The following NCKAP1 variants were observed in gnomAD, a reference collection of about 807,000 sequenced individuals.
NCKAP1 encodes nck-associated protein 1.
Under a neutral mutation model 151.2 loss-of-function variants are expected in NCKAP1, and 21 were observed. That is an observed-to-expected ratio of 0.14 (90% CI 0.10 to 0.20). The LOEUF (loss-of-function observed/expected upper bound fraction) is 0.20, where lower values mean the gene tolerates loss of function less well. NCKAP1 is among the 10% of genes least tolerant of loss of function. NCKAP1 has a pLI of 1.00. For synonymous variants in NCKAP1, 484 were observed against 451.8 expected (o/e 1.07, Z -0.90); for missense variants, 933 against 1,352.1 (o/e 0.69, Z 4.86).
chr2:182,925,467 G>T lies in NCKAP1; in HGVS notation c.*235C>A. The T allele has an allele frequency of 3.8e-6, 1 of 263,784 alleles. No homozygotes were observed. The highest frequency in any genetic ancestry group is 7.3e-6 in the Non-Finnish European group (1 of 136,726). The allele number at this position is 263,784 out of a possible 1,614,324, so 16.3% of individuals were successfully genotyped here. ...GATAATGTATGTTTTTCAAATAAAT[G>T]ATACTTTAAAATTATAGGAATAATC... On this transcript the variant is annotated 3_prime_UTR_variant, in exon 31 of 31. Coordinates refer to ENST00000361354, the MANE Select transcript of NCKAP1 (RefSeq NM_013436.5).
At position 182,917,929 on chromosome 2, in the gene NCKAP1, G is replaced by A. The variant is rs1696492508; in HGVS notation, c.*7773C>T. 1 of 152,166 alleles carries A rather than the reference G, an allele frequency of 6.6e-6. No homozygotes were observed. Among genetic ancestry groups the A allele is most frequent in the African/African-American group, 2.4e-5 (1 of 41,432 alleles). The allele number at this position is 152,166 out of a possible 1,614,324, so 9.4% of individuals were successfully genotyped here. A position where few individuals can be genotyped will look rare whatever the true frequency, so the allele number is the denominator to read the frequency against. ...CAAAGAAGCAACTTAGACCCATGAA[G>A]GCCAGAAAGTGGGCATAGTGTCCCC... On this transcript the variant is annotated 3_prime_UTR_variant, in exon 31 of 31. Transcript: ENST00000361354.
Position 182,972,247 on chromosome 2 carries a change from A to C in NCKAP1, c.1482+4646T>G, listed in dbSNP as rs563066100. On this transcript the variant is annotated intron_variant, in intron 15 of 30. Transcript: ENST00000361354. The stretch of plus-strand genomic sequence containing the variant: ...AGCAAAAAAAAAAAAAAAAAAAAAC[A>C]AAACTGATTTTAAAAATGGGCAAAA... Among the ~76,000 whole-genome samples the C allele has an allele frequency of 5.0e-3, 471 of 94,650 alleles. 2 individuals carry two copies. The highest frequency in any genetic ancestry group is 9.0e-3 in the Non-Finnish European group (360 of 39,790). The allele number at this position is 94,650 out of a possible 152,430, so 62.1% of individuals were successfully genotyped here.
At chr2:183,010,161 A>G (rs1698565280) in intron 2 of NCKAP1, among the ~76,000 whole-genome samples, 1 of 152,212 alleles carries the variant, frequency 6.6e-6, no homozygotes, top group South Asian at 2.1e-4. Context: ...GCCTCCATTA[A>G]GCACTGTTGT....
intron 26 of NCKAP1, 56 bp downstream of exon 26, chr2:182,934,695 TA>T (rs1410455383): frequency 4.6e-6 from 4 of 863,794 alleles, no homozygotes; most frequent in Non-Finnish European, 7.4e-6. Flanking sequence ...CTTGCATATG[TA>T]ATTTAAATAT....
chr2:183,030,256 C>T (rs1409128287), intron 1 of NCKAP1, among the ~76,000 whole-genome samples: 1 of 152,172 alleles, frequency 6.6e-6, no homozygotes, highest in African/African-American at 2.4e-5. Context: ...AACTCCTGGT[C>T]TCAAGAGATC....
Position 182,964,668 on chromosome 2 carries a change from A to G in NCKAP1, c.1761+8T>C, listed in dbSNP as rs1697527792. The G allele has an allele frequency of 3.1e-6, 5 of 1,588,886 alleles. No homozygotes were observed. The highest frequency in any genetic ancestry group is 1.4e-5 in the African/African-American group (1 of 73,828). ...ACCATATAACTCACAGTAGTACACTATAATTACCTCTTCTGGACATAGTTC... is the reference window on the plus strand; with the variant it reads ...ACCATATAACTCACAGTAGTACACTGTAATTACCTCTTCTGGACATAGTTC... On this transcript the variant is annotated splice_region_variant and intron_variant, in intron 17 of 30. Coordinates refer to ENST00000361354, the MANE Select transcript of NCKAP1 (RefSeq NM_013436.5).
At chr2:183,020,074 A>G (rs962485954) in intron 2 of NCKAP1, among the ~76,000 whole-genome samples, 9 of 152,154 alleles carry the variant, frequency 5.9e-5, no homozygotes, top group Non-Finnish European at 8.8e-5. Flanking sequence ...AACAAAAAAC[A>G]AAAAACAAAC....
At chr2:183,011,983 G>C (rs1005349517) in intron 2 of NCKAP1, among the ~76,000 whole-genome samples, 2 of 152,120 alleles carry the variant, frequency 1.3e-5, no homozygotes, top group African/African-American at 4.8e-5. Flanking sequence ...TGTCTAGTGA[G>C]GGATGTGTAT....
intron 15 of NCKAP1, among the ~76,000 whole-genome samples, chr2:182,970,623 A>G (rs1176314466): frequency 6.6e-6 from 1 of 152,194 alleles, no homozygotes; most frequent in Non-Finnish European, 1.5e-5. Flanking sequence ...GGAAGAAAAC[A>G]ATAAAGGCCA....
chr2:182,940,791 A>G lies in NCKAP1; in HGVS notation c.2695+1279T>C, dbSNP rs1227161047. 5.3e-5 allele frequency among the ~76,000 whole-genome samples: 8 copies of G among 152,198 alleles called. No homozygotes were observed. The East Asian group carries it at 1.5e-3, about 29-fold the overall frequency. On this transcript the variant is annotated intron_variant, in intron 24 of 30. Coordinates refer to ENST00000361354, the MANE Select transcript of NCKAP1 (RefSeq NM_013436.5). Reference sequence around the variant, plus strand: ...TTACCACTATGTAACACACAGTGATATGTGTCGTATGACACATATGATAGA... The same window carrying G: ...TTACCACTATGTAACACACAGTGATGTGTGTCGTATGACACATATGATAGA...
chr2:183,016,486 G>C (rs964129075), intron 2 of NCKAP1, among the ~76,000 whole-genome samples: 1 of 152,136 alleles, frequency 6.6e-6, no homozygotes, highest in African/African-American at 2.4e-5. Flanking sequence ...AATTCTCATT[G>C]TATCAAAATT....
In NCKAP1 at chr2:182,909,624, C is replaced by T. The variant is rs1257985983; in HGVS notation, c.*16078G>A. 1 of 152,126 alleles carries T rather than the reference C, an allele frequency of 6.6e-6. No homozygotes were observed. Among genetic ancestry groups the T allele is most frequent in the Non-Finnish European group, 1.5e-5 (1 of 68,022 alleles). The allele number at this position is 152,126 out of a possible 1,614,324, so 9.4% of individuals were successfully genotyped here. A position where few individuals can be genotyped will look rare whatever the true frequency, so the allele number is the denominator to read the frequency against. On this transcript the variant is annotated 3_prime_UTR_variant, in exon 31 of 31. Transcript: ENST00000361354. The stretch of plus-strand genomic sequence containing the variant: ...TGTTGATGGACGCTCGGATTTACTG[C>T]CTTTTCTTGTATGTTGTTGTTTTAT...
chr2:183,001,106 A>C (rs2105874294), intron 6 of NCKAP1, among the ~76,000 whole-genome samples: 1 of 152,338 alleles, frequency 6.6e-6, no homozygotes, highest in Admixed American at 6.5e-5. Context: ...GAAAGAAAAA[A>C]GCACAGACTT....
At chr2:182,961,999 T>G (rs1185959387) in intron 18 of NCKAP1, among the ~76,000 whole-genome samples, 160 bp downstream of exon 18, 2 of 152,206 alleles carry the variant, frequency 1.3e-5, no homozygotes, top group Non-Finnish European at 2.9e-5. Context: ...AGTTTACATC[T>G]AAGAAATTAT....
At chr2:182,981,908 C>CAAAA (rs77694869) in intron 12 of NCKAP1, among the ~76,000 whole-genome samples, 3 of 51,880 alleles carry the variant, frequency 5.8e-5, no homozygotes, top group African/African-American at 2.2e-4. Context: ...AACTCCGTCT[C>CAAAA]AAAAAAAAAA....
chr2:183,017,653 TG>T (rs1225783177), intron 2 of NCKAP1, among the ~76,000 whole-genome samples: 2 of 152,112 alleles, frequency 1.3e-5, no homozygotes, highest in Non-Finnish European at 2.9e-5. Context: ...GTCTGTGGCC[TG>T]GGGGTTGGGG....
chr2:183,027,578 G>C lies in NCKAP1; in HGVS notation c.109-3662C>G, dbSNP rs563727600. Among the ~76,000 whole-genome samples the C allele has an allele frequency of 1.2e-4, 19 of 152,228 alleles. No homozygotes were observed. The South Asian group carries it at 3.9e-3, about 32-fold the overall frequency. ...ATAATTCAGGTAAGAAGGCTGATTG[G>C]GCATGGTGGCTCACAACTGTAATCC... On this transcript the variant is annotated intron_variant, in intron 1 of 30. Transcript: ENST00000361354.
At chr2:182,928,052 T>G in intron 29 of NCKAP1, 65 bp downstream of exon 29, 1 of 1,117,178 alleles carries the variant, frequency 9.0e-7, no homozygotes, top group Non-Finnish European at 1.3e-6. Context: ...TTCTTACATT[T>G]TGTGGTTGTG....
At chr2:182,948,161 A>G (rs1697145305) in intron 23 of NCKAP1, among the ~76,000 whole-genome samples, 1 of 152,134 alleles carries the variant, frequency 6.6e-6, no homozygotes, top group South Asian at 2.1e-4. Context: ...TAATCCTTAA[A>G]TAAGTCAGGA....
Sources: allele counts gnomAD v4.1 joint callset (sites outside exome capture counted in the v4.1 genomes callset), GRCh38; gene constraint gnomAD v4.1.1; transcripts MANE v1.5; gene names NCBI Gene and HGNC (gene_info 2026-07-23, HGNC 2026-07-21).